The following STK32B variants were observed in gnomAD, a reference collection of about 807,000 sequenced individuals.
STK32B encodes the protein serine/threonine kinase 32B.
STK32B carries 43 observed loss-of-function variants against 52.6 expected under a neutral mutation model. That is an observed-to-expected ratio of 0.82 (90% CI 0.64 to 1.05). The LOEUF is 1.05. Among genes scored for constraint, STK32B ranks in the 50% least tolerant of loss-of-function variants. The probability of loss-of-function intolerance (pLI) is 0.00; values close to 1 mark genes in which losing one functional copy is unlikely to be tolerated. For missense variants in STK32B, 621 were observed against 534.6 expected, an observed-to-expected ratio of 1.16 and a Z score of -1.59; for synonymous variants, 238 against 204.3, an observed-to-expected ratio of 1.17 and a Z score of -1.41.
At chr4:5,448,961 C>A (rs1020864388) in intron 7 of STK32B, among the ~76,000 whole-genome samples, 1 of 152,118 alleles carries the variant, frequency 6.6e-6, no homozygotes, top group Non-Finnish European at 1.5e-5. Flanking sequence ...TAGGAGTTAT[C>A]CCCCCTCTTG....
At chr4:5,079,835 A>G (rs924174844) in intron 1 of STK32B, among the ~76,000 whole-genome samples, 2 of 152,200 alleles carry the variant, frequency 1.3e-5, no homozygotes, top group African/African-American at 4.8e-5. Context: ...ACTGATGGAC[A>G]TTATGCTAAA....
rs1720569337 is a variant in STK32B at position 5,499,513 on chromosome 4, G to T, written c.*430G>T. The T allele has an allele frequency of 6.3e-6, 1 of 158,100 alleles. No homozygotes were observed. Among genetic ancestry groups the T allele is most frequent in the African/African-American group, 2.4e-5 (1 of 41,754 alleles). The allele number at this position is 158,100 out of a possible 1,614,324, so 9.8% of individuals were successfully genotyped here. A position where few individuals can be genotyped will look rare whatever the true frequency, so the allele number is the denominator to read the frequency against. On this transcript the variant is annotated 3_prime_UTR_variant, in exon 12 of 12. Transcript: ENST00000282908. ...CAATTTGGCACATCCTAGCTTGTTAGAGGGCACTTCCGAAAAACACAGCCC... is the reference window on the plus strand; with the variant it reads ...CAATTTGGCACATCCTAGCTTGTTATAGGGCACTTCCGAAAAACACAGCCC...
intron 6 of STK32B, among the ~76,000 whole-genome samples, chr4:5,420,205 G>C (rs1712505850): frequency 6.6e-6 from 1 of 152,018 alleles, no homozygotes; most frequent in Non-Finnish European, 1.5e-5. Context: ...ATCTCAACCT[G>C]GACTCCCATG....
At chr4:5,364,260 A>G (rs1297909688) in intron 4 of STK32B, among the ~76,000 whole-genome samples, 1 of 152,212 alleles carries the variant, frequency 6.6e-6, no homozygotes, top group Non-Finnish European at 1.5e-5. Flanking sequence ...AGAAACCCAA[A>G]TCAAGCCAGT....
At chr4:5,231,031 C>T (rs1724226795) in intron 3 of STK32B, among the ~76,000 whole-genome samples, 1 of 152,208 alleles carries the variant, frequency 6.6e-6, no homozygotes, top group African/African-American at 2.4e-5. Context: ...GTAGGTATGG[C>T]TCAGGTGCCC....
chr4:5,331,190 CT>C, intron 3 of STK32B, 29 bp from the exon 4 acceptor site: 2 of 1,584,336 alleles, frequency 1.3e-6, no homozygotes, highest in Non-Finnish European at 1.7e-6. Context: ...GCCTCCACCC[CT>C]AATCTTCTCT....
At position 5,159,211 on chromosome 4, in the gene STK32B, C is replaced by G. The variant is rs951722308; in HGVS notation, c.109-9088C>G. On this transcript the variant is annotated intron_variant, in intron 2 of 11. Coordinates refer to ENST00000282908, the MANE Select transcript of STK32B (RefSeq NM_018401.3). ...CCAAGGGGGTGCCCCATGGTGCAGT[C>G]TCTCTGTGTACGCTGACTGAGGAAA... 3.3e-5 allele frequency among the ~76,000 whole-genome samples: 5 copies of G among 152,154 alleles called. No homozygotes were observed. In the East Asian group the frequency reaches 7.7e-4, roughly 23 times the overall value.
chr4:5,408,353 A>T lies in STK32B; in HGVS notation c.473-8492A>T, dbSNP rs115008037. Reference sequence around the variant, plus strand: ...TTGTGAGCTCTGGTTGTTTAAATGCAGGTAGCACCTACCCCCGTCTCTCTT... The same window carrying T: ...TTGTGAGCTCTGGTTGTTTAAATGCTGGTAGCACCTACCCCCGTCTCTCTT... On this transcript the variant is annotated intron_variant, in intron 5 of 11. Coordinates refer to ENST00000282908, the MANE Select transcript of STK32B (RefSeq NM_018401.3). 5.4e-3 allele frequency among the ~76,000 whole-genome samples: 820 copies of T among 152,108 alleles called. 6 individuals carry two copies. Among genetic ancestry groups the T allele is most frequent in the Non-Finnish European group, 8.6e-3 (582 of 68,012 alleles).
At chr4:5,087,561 A>C (rs980838536) in intron 1 of STK32B, among the ~76,000 whole-genome samples, 2 of 152,076 alleles carry the variant, frequency 1.3e-5, no homozygotes, top group African/African-American at 4.8e-5. Context: ...TTTAAATTCC[A>C]AGGGACAAAT....
chr4:5,491,686 T>C (rs1719747230), intron 11 of STK32B, among the ~76,000 whole-genome samples: 1 of 152,100 alleles, frequency 6.6e-6, no homozygotes, highest in African/African-American at 2.4e-5. Context: ...TGCCTAGGTT[T>C]TCTTCTAGGG....
At chr4:5,444,711 C>G (rs1715224043) in intron 6 of STK32B, among the ~76,000 whole-genome samples, 1 of 152,204 alleles carries the variant, frequency 6.6e-6, no homozygotes, top group African/African-American at 2.4e-5. Flanking sequence ...GCCAGGCATC[C>G]TGCTAAACTC....
intron 3 of STK32B, among the ~76,000 whole-genome samples, chr4:5,182,493 G>GGGTGAGAGACAGGGTGAGA (rs1720439132): frequency 6.6e-6 from 1 of 151,184 alleles, no homozygotes; most frequent in South Asian, 2.1e-4. Flanking sequence ...ACAGAGTCTC[G>GGGTGAGAGACAGGGTGAGA]CACTGTTGCC....
intron 2 of STK32B, among the ~76,000 whole-genome samples, chr4:5,162,306 C>T (rs542799859): frequency 6.6e-6 from 1 of 152,320 alleles, no homozygotes; most frequent in Admixed American, 6.5e-5. Context: ...GGTTGTACTT[C>T]AGCCTTCCCT....
At chr4:5,256,680 C>G (rs1047155955) in intron 3 of STK32B, among the ~76,000 whole-genome samples, 2 of 152,246 alleles carry the variant, frequency 1.3e-5, no homozygotes, top group Non-Finnish European at 2.9e-5. Context: ...CTTCTCCTGC[C>G]TCCTGTCTGA....
At position 5,208,831 on chromosome 4, in the gene STK32B, C is replaced by T. The variant is rs78223222; in HGVS notation, c.260+40381C>T. ...TGGCTTGATTCACCCAAATCAAGCCCATCTGGTAGATATGATTATTTTGTC... is the reference window on the plus strand; with the variant it reads ...TGGCTTGATTCACCCAAATCAAGCCTATCTGGTAGATATGATTATTTTGTC... On this transcript the variant is annotated intron_variant, in intron 3 of 11. Coordinates refer to ENST00000282908, the MANE Select transcript of STK32B (RefSeq NM_018401.3). 2.1e-3 allele frequency among the ~76,000 whole-genome samples: 318 copies of T among 152,322 alleles called. 8 individuals carry two copies. The East Asian group carries it at 0.051, about 24-fold the overall frequency.
chr4:5,096,813 A>G (rs959436881), intron 1 of STK32B, among the ~76,000 whole-genome samples: 1 of 152,196 alleles, frequency 6.6e-6, no homozygotes, highest in Non-Finnish European at 1.5e-5. Context: ...AAAGGAGCAG[A>G]TATTAACACT....
intron 3 of STK32B, among the ~76,000 whole-genome samples, chr4:5,169,433 T>TG (rs1719159207): frequency 1.3e-5 from 2 of 152,312 alleles, no homozygotes; most frequent in South Asian, 4.1e-4. Flanking sequence ...ATGGCCACCC[T>TG]GGAGGGGTAA....
At chr4:5,256,454 G>A (rs1053849634) in intron 3 of STK32B, among the ~76,000 whole-genome samples, 1 of 152,190 alleles carries the variant, frequency 6.6e-6, no homozygotes, top group African/African-American at 2.4e-5. Context: ...AGAGCAAGCA[G>A]TCTTCAAGTA....
At chr4:5,242,720 G>T (rs1421909693) in intron 3 of STK32B, among the ~76,000 whole-genome samples, 2 of 152,070 alleles carry the variant, frequency 1.3e-5, no homozygotes, top group South Asian at 2.1e-4. Flanking sequence ...GGTCTAACAT[G>T]TAAGTCTTTA....
Sources: allele counts gnomAD v4.1 joint callset (sites outside exome capture counted in the v4.1 genomes callset), GRCh38; gene constraint gnomAD v4.1.1; transcripts MANE v1.5; gene names NCBI Gene and HGNC (gene_info 2026-07-23, HGNC 2026-07-21).